The following MRPS27 variants were observed in gnomAD, a reference collection of about 807,000 sequenced individuals.
The protein encoded by MRPS27 is mitochondrial ribosomal protein S27.
Under a neutral mutation model 48.9 loss-of-function variants are expected in MRPS27, and 43 were observed. That is an observed-to-expected ratio of 0.88 (90% CI 0.69 to 1.13). The LOEUF (loss-of-function observed/expected upper bound fraction) is 1.13, where lower values mean the gene tolerates loss of function less well. Among genes scored for constraint, MRPS27 ranks in the 50% most tolerant of loss-of-function variants. The probability of loss-of-function intolerance (pLI) is 0.00; values close to 1 mark genes in which losing one functional copy is unlikely to be tolerated. For synonymous variants in MRPS27, 188 were observed against 171.9 expected (o/e 1.09, Z -0.73); for missense variants, 467 against 476.3 (o/e 0.98, Z 0.18).
At chr5:72,275,930 T>C (rs1445876865) in intron 4 of MRPS27, among the ~76,000 whole-genome samples, 1 of 151,884 alleles carries the variant, frequency 6.6e-6, no homozygotes, top group Non-Finnish European at 1.5e-5. Context: ...AGGAAAGGAA[T>C]GTGAGCTGGT....
chr5:72,255,786 C>G (rs879589825), intron 4 of MRPS27, among the ~76,000 whole-genome samples: 4 of 152,162 alleles, frequency 2.6e-5, no homozygotes, highest in Middle Eastern at 3.2e-3. Context: ...AATTCAAACC[C>G]AGACAGTCTG....
Position 72,297,679 on chromosome 5 carries a change from T to C in MRPS27, c.175A>G (p.Lys59Glu), listed in dbSNP as rs564459077. 2.1e-5 allele frequency: 34 copies of C among 1,602,014 alleles called. No homozygotes were observed. The South Asian group carries it at 2.5e-4, about 12-fold the overall frequency. Reference sequence around the variant, plus strand: ...ACAGGCAACTTTCTCTCAAATGTTTTATCCATTAAAGATGCAAGATCAGCT... The same window carrying C: ...ACAGGCAACTTTCTCTCAAATGTTTCATCCATTAAAGATGCAAGATCAGCT... ...CLADLASLMDKTFERKLPVSS... is the reference protein window; with the variant it reads ...CLADLASLMDETFERKLPVSS... Residue 59 changes from lysine to glutamate, a missense_variant, in exon 3 of 11, where the codon AAA becomes GAA. Lys to Glu is a moderately conservative substitution (Grantham distance 56, BLOSUM62 1). Coordinates refer to ENST00000261413, the MANE Select transcript of MRPS27 (RefSeq NM_015084.3).
intron 2 of MRPS27, among the ~76,000 whole-genome samples, chr5:72,310,262 G>C (rs780258744): frequency 2.6e-5 from 4 of 152,278 alleles, no homozygotes; most frequent in Non-Finnish European, 4.4e-5. Flanking sequence ...CTAGCACCTA[G>C]ATCTTGGTTT....
At chr5:72,291,875 T>A (rs577939272) in intron 4 of MRPS27, among the ~76,000 whole-genome samples, 1 of 152,278 alleles carries the variant, frequency 6.6e-6, no homozygotes, top group African/African-American at 2.4e-5. Flanking sequence ...AGAAACTAGC[T>A]CCAGGGCTTC....
At chr5:72,288,312 G>A (rs563071815) in intron 4 of MRPS27, among the ~76,000 whole-genome samples, 22 of 151,826 alleles carry the variant, frequency 1.4e-4, no homozygotes, top group African/African-American at 4.6e-4. Flanking sequence ...GGTTCATGCC[G>A]TTCTCCCGCC....
At chr5:72,230,646 C>T (rs1222619294) in intron 7 of MRPS27, among the ~76,000 whole-genome samples, 3 of 152,152 alleles carry the variant, frequency 2.0e-5, no homozygotes, top group Non-Finnish European at 4.4e-5. Flanking sequence ...TAAGTCTCCA[C>T]AATTGTATCT....
intron 2 of MRPS27, among the ~76,000 whole-genome samples, chr5:72,310,281 A>G (rs988222804): frequency 1.3e-5 from 2 of 152,326 alleles, no homozygotes; most frequent in South Asian, 2.1e-4. Flanking sequence ...TTCTAATGCC[A>G]TTCCTCACCA....
intron 4 of MRPS27, among the ~76,000 whole-genome samples, chr5:72,289,031 C>A (rs1749750827): frequency 6.6e-6 from 1 of 152,186 alleles, no homozygotes; most frequent in Non-Finnish European, 1.5e-5. Context: ...AAAAATGAAG[C>A]TATTTTGGTC....
chr5:72,230,861 C>A (rs755357304), intron 7 of MRPS27, among the ~76,000 whole-genome samples: 6 of 152,076 alleles, frequency 3.9e-5, no homozygotes, highest in Non-Finnish European at 8.8e-5. Flanking sequence ...AATATGTGAC[C>A]CCTGCTTCCC....
chr5:72,269,116 G>C (rs1749170343), intron 4 of MRPS27, among the ~76,000 whole-genome samples: 1 of 152,216 alleles, frequency 6.6e-6, no homozygotes, highest in Admixed American at 6.5e-5. Context: ...TGTTGCATAT[G>C]AGTTTTCCTT....
In MRPS27 at chr5:72,228,328, G is replaced by C; in HGVS notation, c.632C>G (p.Pro211Arg). 1 of 1,613,454 alleles carries C rather than the reference G, an allele frequency of 6.2e-7. No individual in the cohort carries two copies. The highest frequency in any genetic ancestry group is 8.5e-7 in the Non-Finnish European group (1 of 1,179,634). The change falls in exon 8 of 11, where the codon CCA becomes CGA. Residue 211 changes from proline to arginine, a missense_variant. Coordinates refer to ENST00000261413, the MANE Select transcript of MRPS27 (RefSeq NM_015084.3). ...ERNFGASLLL[P>R]GLKQKNSVGF... The stretch of plus-strand genomic sequence containing the variant: ...CACTGAGTTCTTTTGTTTTAGGCCT[G>C]GAAGCAAAAGGGATGCACCAAAGTT...
At chr5:72,250,230 TA>T (rs1280301821) in intron 4 of MRPS27, among the ~76,000 whole-genome samples, 2 of 152,330 alleles carry the variant, frequency 1.3e-5, no homozygotes, top group East Asian at 3.9e-4. Context: ...ATTTAAGAAA[TA>T]AAAATGTTAG....
At chr5:72,264,681 G>C (rs1749066358) in intron 4 of MRPS27, among the ~76,000 whole-genome samples, 1 of 152,202 alleles carries the variant, frequency 6.6e-6, no homozygotes, top group Admixed American at 6.5e-5. Flanking sequence ...TGGAGTGGGT[G>C]CATCTATAAG....
At position 72,272,337 on chromosome 5, in the gene MRPS27, A is replaced by G. The variant is rs549317243; in HGVS notation, c.281+23194T>C. 3.9e-5 allele frequency among the ~76,000 whole-genome samples: 6 copies of G among 152,342 alleles called. No homozygotes were observed. The East Asian group carries it at 1.2e-3, about 29-fold the overall frequency. On this transcript the variant is annotated intron_variant, in intron 4 of 10. Transcript: ENST00000261413. ...TTTGAGGACTTTCCCACCATTCCTT[A>G]AAACTGGTAAGAGTAGCTCATTGTG...
In MRPS27 at chr5:72,228,279, G is replaced by A; in HGVS notation, c.681C>T (p.Gly227=). The change falls in exon 8 of 11, where the codon GGC becomes GGT. Residue 227 remains glycine (G), a synonymous_variant. Transcript: ENST00000261413. ...NSVGFSSQLY[G]YALLGKVELQ... ...CATTTAGCTTACCAAGAAGTGCATA[G>A]CCATACAACTGGGAACTGAAACCCA... The A allele has an allele frequency of 6.2e-7, 1 of 1,612,176 alleles. No homozygotes were observed. Among genetic ancestry groups the A allele is most frequent in the African/African-American group, 1.3e-5 (1 of 74,978 alleles).
chr5:72,223,421 T>C (rs1157902208), intron 10 of MRPS27, among the ~76,000 whole-genome samples: 1 of 152,190 alleles, frequency 6.6e-6, no homozygotes, highest in Non-Finnish European at 1.5e-5. Flanking sequence ...GACAGGTGCA[T>C]ATCAGGAATA....
chr5:72,279,532 G>A (rs1401928034), intron 4 of MRPS27, among the ~76,000 whole-genome samples: 2 of 152,112 alleles, frequency 1.3e-5, no homozygotes, highest in Non-Finnish European at 2.9e-5. Context: ...GAAGATGGGA[G>A]GATTGCTTGA....
intron 4 of MRPS27, among the ~76,000 whole-genome samples, chr5:72,271,062 C>T (rs960496081): frequency 1.3e-5 from 2 of 152,112 alleles, no homozygotes; most frequent in Admixed American, 1.3e-4. Context: ...TATTTTCTCT[C>T]TAAGATTGGG....
intron 1 of MRPS27, among the ~76,000 whole-genome samples, chr5:72,317,306 A>G (rs1750590595): frequency 6.6e-6 from 1 of 152,254 alleles, no homozygotes; most frequent in Non-Finnish European, 1.5e-5. Context: ...TGAGGCAACA[A>G]TAAGGTTTCC....
Sources: allele counts gnomAD v4.1 joint callset (sites outside exome capture counted in the v4.1 genomes callset), GRCh38; gene constraint gnomAD v4.1.1; transcripts MANE v1.5; gene names NCBI Gene and HGNC (gene_info 2026-07-23, HGNC 2026-07-21).